The following CIPC variants were observed in gnomAD, a reference collection of about 807,000 sequenced individuals.
CIPC encodes the protein CLOCK-interacting pacemaker.
CIPC carries 12 observed loss-of-function variants against 26.7 expected under a neutral mutation model. The observed-to-expected ratio is 0.45, with a 90% confidence interval of 0.29 to 0.73. CIPC has a LOEUF of 0.73. Among genes scored for constraint, CIPC ranks in the 30% least tolerant of loss-of-function variants. The pLI, the probability that CIPC is intolerant of heterozygous loss-of-function variation, is 0.12. For missense variants in CIPC, 417 were observed against 486.5 expected (o/e 0.86, Z 1.34); for synonymous variants, 170 against 189.8 (o/e 0.90, Z 0.86).
At position 77,114,307 on chromosome 14, in the gene CIPC, C is replaced by T. The variant is rs759523858; in HGVS notation, c.1189C>T (p.Pro397Ser). The change falls in exon 4 of 4, where the codon CCA becomes TCA. Residue 397 changes from proline to serine, a missense_variant. By Grantham distance (74) the Pro-to-Ser change is moderately conservative (BLOSUM62 -1). Transcript: ENST00000361786. ...GSDLEAFSDH[P>S]AI ...TGACCTAGAAGCATTCTCTGATCAC[C>T]CAGCCATATAGCACAGAGGCATATT... is the stretch of plus-strand genomic sequence containing the variant. 19 of 1,609,008 alleles carry T rather than the reference C, an allele frequency of 1.2e-5. No homozygotes were observed. The Admixed American group carries it at 2.7e-4, about 23-fold the overall frequency.
chr14:77,109,819 C>T lies in CIPC; in HGVS notation c.144C>T (p.Ser48=). 1 of 1,611,748 alleles carries T rather than the reference C, an allele frequency of 6.2e-7. No homozygotes were observed. Among genetic ancestry groups the T allele is most frequent in the Non-Finnish European group, 8.5e-7 (1 of 1,178,156 alleles). ...CATTCTTCTGCCCACCAGATGGGAG[C>T]TCGGAATGTCTGAGCTCTGCAGAGC... ...SDKDSGFSDG[S]SECLSSAEQM... Residue 48 remains serine (S), a synonymous_variant, in exon 3 of 4, where the codon AGC becomes AGT. Transcript: ENST00000361786.
intron 2 of CIPC, among the ~76,000 whole-genome samples, chr14:77,109,585 G>T (rs1886653143): frequency 6.6e-6 from 1 of 152,228 alleles, no homozygotes; most frequent in African/African-American, 2.4e-5. Context: ...TAGAAAGGAA[G>T]TCAAACTCGT....
chr14:77,103,526 C>T (rs1594819206), intron 1 of CIPC, among the ~76,000 whole-genome samples: 1 of 152,208 alleles, frequency 6.6e-6, no homozygotes, highest in African/African-American at 2.4e-5. Context: ...GGCCTGTTCT[C>T]CTTATGCCAG....
At chr14:77,100,687 C>T (rs1886464213) in intron 1 of CIPC, among the ~76,000 whole-genome samples, 1 of 151,760 alleles carries the variant, frequency 6.6e-6, no homozygotes, top group Non-Finnish European at 1.5e-5. Flanking sequence ...TCCTGCCTCA[C>T]CCTCCCAAGT....
intron 2 of CIPC, among the ~76,000 whole-genome samples, chr14:77,108,627 G>T (rs1481667958): frequency 6.6e-6 from 1 of 151,998 alleles, no homozygotes; most frequent in Non-Finnish European, 1.5e-5. Flanking sequence ...GGAGGCAGAG[G>T]TTGTGGTGAG....
intron 1 of CIPC, chr14:77,099,064 C>G (rs1478511692): frequency 2.0e-5 from 3 of 152,476 alleles, no homozygotes; most frequent in Non-Finnish European, 4.4e-5. Flanking sequence ...GGCGTTTGCC[C>G]TGGAAGGCTG....
chr14:77,105,487 G>T (rs964439077), intron 1 of CIPC, among the ~76,000 whole-genome samples, 170 bp from the exon 2 acceptor site: 1 of 152,170 alleles, frequency 6.6e-6, no homozygotes, highest in African/African-American at 2.4e-5. Context: ...TCTCCTTATG[G>T]GTGGAAACCA....
At chr14:77,106,025 G>T in intron 2 of CIPC, 181 bp downstream of exon 2, 2 of 517,374 alleles carry the variant, frequency 3.9e-6, no homozygotes, top group South Asian at 9.0e-5. Context: ...GTCACCACAG[G>T]GTTAGTTCTG....
intron 3 of CIPC, among the ~76,000 whole-genome samples, chr14:77,112,499 A>C (rs1485461356): frequency 1.3e-5 from 2 of 152,144 alleles, no homozygotes; most frequent in South Asian, 2.1e-4. Context: ...CCTGTTTATG[A>C]AGGGAAATGG....
rs887526239 is a variant in CIPC at position 77,098,319 on chromosome 14, C to G, written c.-95C>G. On this transcript the variant is annotated 5_prime_UTR_variant, in exon 1 of 4. Transcript: ENST00000361786. Reference sequence around the variant, plus strand: ...CGGGGCCGTGCTCGCGCATGCGCCACCTGACCCACAGGCCGGTCGTGGAGC... The same window carrying G: ...CGGGGCCGTGCTCGCGCATGCGCCAGCTGACCCACAGGCCGGTCGTGGAGC... 6.6e-6 allele frequency: 1 copy of G among 152,630 alleles called. No individual in the cohort carries two copies. Among genetic ancestry groups the G allele is most frequent in the African/African-American group, 2.4e-5 (1 of 41,426 alleles). 9.5% of individuals were successfully genotyped at this position (152,630 alleles called of 1,614,324 possible).
rs576871429 is a variant in CIPC at position 77,105,191 on chromosome 14, GT to G, written c.-52-465del. 3.0e-4 allele frequency among the ~76,000 whole-genome samples: 46 copies of G among 152,260 alleles called. No homozygotes were observed. In the South Asian group the frequency reaches 8.3e-3, roughly 27 times the overall value. On this transcript the variant is annotated intron_variant, in intron 1 of 3. Coordinates refer to ENST00000361786, the MANE Select transcript of CIPC (RefSeq NM_033426.3). ...ACAACACTGTGGGAGGTGGCAATAG[GT>G]CATGAGCCTGCAAATGTACACGAGG... is the stretch of plus-strand genomic sequence containing the variant.
Position 77,113,995 on chromosome 14 carries a change from T to A in CIPC, c.877T>A (p.Leu293Ile). ...ACTGTCCGCTAATTATAGCTCACCT[T>A]TATGGGCTGCAGAGCACCTCTGCCG... is the stretch of plus-strand genomic sequence containing the variant. ...SPLSANYSSP[L>I]WAAEHLCRSP... The change falls in exon 4 of 4, where the codon TTA becomes ATA. Residue 293 changes from leucine to isoleucine, a missense_variant. Physicochemically the swap from Leu to Ile is conservative, Grantham distance 5. Coordinates refer to ENST00000361786, the MANE Select transcript of CIPC (RefSeq NM_033426.3). 1 of 1,614,196 alleles carries A rather than the reference T, an allele frequency of 6.2e-7. No individual in the cohort carries two copies. The highest frequency in any genetic ancestry group is 8.5e-7 in the Non-Finnish European group (1 of 1,180,028).
At chr14:77,109,235 C>T (rs1207208095) in intron 2 of CIPC, among the ~76,000 whole-genome samples, 1 of 152,122 alleles carries the variant, frequency 6.6e-6, no homozygotes, top group African/African-American at 2.4e-5. Flanking sequence ...GGAAGGATCC[C>T]AACATTTATG....
rs1886824665 is a variant in CIPC, at chr14:77,116,995, A to G, written c.*2677A>G. The stretch of plus-strand genomic sequence containing the variant: ...TTTTGTTGGCATTATTGAAATATAT[A>G]TAGAAAAGTTGCTGATTGCAATGGT... On this transcript the variant is annotated 3_prime_UTR_variant, in exon 4 of 4. Coordinates refer to ENST00000361786, the MANE Select transcript of CIPC (RefSeq NM_033426.3). 6.6e-6 allele frequency: 1 copy of G among 152,186 alleles called. No individual in the cohort carries two copies. The highest frequency in any genetic ancestry group is 6.5e-5 in the Admixed American group (1 of 15,288). The allele number at this position is 152,186 out of a possible 1,614,324, so 9.4% of individuals were successfully genotyped here. A position where few individuals can be genotyped will look rare whatever the true frequency, so the allele number is the denominator to read the frequency against.
At chr14:77,106,894 C>A (rs952377302) in intron 2 of CIPC, among the ~76,000 whole-genome samples, 1 of 152,240 alleles carries the variant, frequency 6.6e-6, no homozygotes, top group African/African-American at 2.4e-5. Flanking sequence ...CAGGGAAGGG[C>A]GGGCCAACCT....
At chr14:77,102,831 T>G (rs908907720) in intron 1 of CIPC, among the ~76,000 whole-genome samples, 4 of 152,258 alleles carry the variant, frequency 2.6e-5, no homozygotes, top group Admixed American at 6.5e-5. Context: ...TGGAGATGGC[T>G]TCTATTCACT....
At chr14:77,113,315 T>G in intron 3 of CIPC, 110 bp from the exon 4 acceptor site, 61 of 1,156,562 alleles carry the variant, frequency 5.3e-5, no homozygotes, top group Middle Eastern at 1.9e-4. Flanking sequence ...GCACTGTCCT[T>G]GAAATTGTTC....
At chr14:77,100,122 C>G (rs1317055436) in intron 1 of CIPC, among the ~76,000 whole-genome samples, 1 of 152,134 alleles carries the variant, frequency 6.6e-6, no homozygotes, top group Non-Finnish European at 1.5e-5. Flanking sequence ...AATAATTAGA[C>G]TAATGTCAGA....
intron 2 of CIPC, 40 bp from the exon 3 acceptor site, chr14:77,109,772 T>G (rs756574619): frequency 1.3e-6 from 2 of 1,583,082 alleles, no homozygotes; most frequent in Non-Finnish European, 1.7e-6. Context: ...GAGCCCCTAG[T>G]CTAGAGCCTG....
Sources: allele counts gnomAD v4.1 joint callset (sites outside exome capture counted in the v4.1 genomes callset), GRCh38; gene constraint gnomAD v4.1.1; transcripts MANE v1.5; gene names NCBI Gene and HGNC (gene_info 2026-07-23, HGNC 2026-07-21).